The following ADGRV1 variants were observed in gnomAD, a reference collection of about 807,000 sequenced individuals.
ADGRV1 encodes the protein adhesion G protein-coupled receptor V1, also known as G-protein coupled receptor 98.
In ADGRV1, 359 loss-of-function variants were observed where a neutral mutation model predicts 596.2. The observed-to-expected ratio is 0.60, with a 90% confidence interval of 0.55 to 0.66. ADGRV1 has a LOEUF of 0.66. Ranked by LOEUF, ADGRV1 falls within the 30% of genes least tolerant of loss-of-function variation. The pLI, the probability that ADGRV1 is intolerant of heterozygous loss-of-function variation, is 0.00. For missense variants in ADGRV1, 7,274 were observed against 7,575.6 expected (o/e 0.96, Z 1.48); for synonymous variants, 2,681 against 2,679.2 (o/e 1.00, Z -0.02).
In ADGRV1 at chr5:90,716,736, TA is replaced by T. The variant is rs759272193; in HGVS notation, c.9447+9del. On this transcript the variant is annotated splice_region_variant and intron_variant, in intron 43 of 89. Transcript: ENST00000405460. Reference sequence around the variant, plus strand: ...AGAAGGTGTTCGATTCAAGGTACAGTAAGAAGCTTTAATGAGAATGGAAGTT... The same window carrying T: ...AGAAGGTGTTCGATTCAAGGTACAGTAGAAGCTTTAATGAGAATGGAAGTT... The T allele has an allele frequency of 1.2e-6, 2 of 1,600,218 alleles. No individual in the cohort carries two copies. Among genetic ancestry groups the T allele is most frequent in the Non-Finnish European group, 1.7e-6 (2 of 1,169,702 alleles).
chr5:90,793,643 T>C (rs1713567151), intron 70 of ADGRV1, among the ~76,000 whole-genome samples: 1 of 152,238 alleles, frequency 6.6e-6, no homozygotes, highest in Non-Finnish European at 1.5e-5. Context: ...AGTGCACTTT[T>C]CATTTCATTT....
At chr5:90,877,010 C>T (rs1769278120) in intron 83 of ADGRV1, among the ~76,000 whole-genome samples, 1 of 152,008 alleles carries the variant, frequency 6.6e-6, no homozygotes, top group South Asian at 2.1e-4. Flanking sequence ...ATGGTGTAAG[C>T]ATATAATAGC....
chr5:90,735,587 G>A (rs1298175402), intron 50 of ADGRV1, among the ~76,000 whole-genome samples: 2 of 152,130 alleles, frequency 1.3e-5, no homozygotes, highest in East Asian at 3.8e-4. Flanking sequence ...CATTGAATCT[G>A]TAGATCACTT....
intron 85 of ADGRV1, among the ~76,000 whole-genome samples, chr5:90,995,707 G>A (rs1016979985): frequency 4.3e-4 from 65 of 152,162 alleles, no homozygotes; most frequent in African/African-American, 1.5e-3. Context: ...TAACTTTCTA[G>A]AGACTTGTTA....
intron 87 of ADGRV1, among the ~76,000 whole-genome samples, chr5:91,139,739 A>G (rs1363132694): frequency 6.6e-6 from 1 of 152,176 alleles, no homozygotes; most frequent in Non-Finnish European, 1.5e-5. Context: ...ACACTAGTAC[A>G]TGTTACATAG....
chr5:91,059,619 C>T (rs2151343825), intron 85 of ADGRV1, among the ~76,000 whole-genome samples: 1 of 152,220 alleles, frequency 6.6e-6, no homozygotes, highest in East Asian at 1.9e-4. Flanking sequence ...TAATTCTTAC[C>T]ACTTCAAAGC....
intron 55 of ADGRV1, among the ~76,000 whole-genome samples, chr5:90,756,100 A>C (rs1402106314): frequency 1.3e-5 from 2 of 152,050 alleles, no homozygotes; most frequent in African/African-American, 4.8e-5. Flanking sequence ...TTGCTTTAAA[A>C]ATGTATGTAG....
chr5:91,024,055 C>A (rs1363865979), intron 85 of ADGRV1, among the ~76,000 whole-genome samples: 1 of 152,100 alleles, frequency 6.6e-6, no homozygotes, highest in Non-Finnish European at 1.5e-5. Flanking sequence ...GCACCTAGGG[C>A]CTCGGGGCCA....
At chr5:90,861,604 C>CT (rs1554139169) in intron 82 of ADGRV1, among the ~76,000 whole-genome samples, 1 of 152,024 alleles carries the variant, frequency 6.6e-6, no homozygotes, top group Non-Finnish European at 1.5e-5. Context: ...CCACCATGCC[C>CT]GGCTATACTT....
intron 1 of ADGRV1, among the ~76,000 whole-genome samples, chr5:90,594,798 G>C (rs1180447013): frequency 3.3e-5 from 5 of 150,652 alleles, no homozygotes; most frequent in African/African-American, 1.2e-4. Flanking sequence ...CACAGGGTTG[G>C]GGGTAAGGTC....
intron 85 of ADGRV1, among the ~76,000 whole-genome samples, chr5:91,054,088 TGTGTGTGTGTGTGTGAGA>T (rs1434638090): frequency 2.4e-5 from 3 of 127,272 alleles, no homozygotes; most frequent in Non-Finnish European, 5.0e-5. Context: ...TGTGTGTGTG[TGTGTGTGTGTGTGTGAGA>T]GAGAGAGAGA....
At chr5:90,575,591 C>T (rs61749586) in intron 1 of ADGRV1, among the ~76,000 whole-genome samples, 2,212 of 152,252 alleles carry the variant, frequency 0.015, 52 homozygotes, top group African/African-American at 0.051. Context: ...AGGGGTTTCT[C>T]CTCCCATGAA....
intron 75 of ADGRV1, among the ~76,000 whole-genome samples, chr5:90,817,093 T>C (rs1189573314): frequency 6.6e-6 from 1 of 152,248 alleles, no homozygotes; most frequent in African/African-American, 2.4e-5. Flanking sequence ...GACTTATTAA[T>C]GATTGCCGTT....
At chr5:91,025,857 G>A (rs1259224508) in intron 85 of ADGRV1, among the ~76,000 whole-genome samples, 1 of 152,114 alleles carries the variant, frequency 6.6e-6, no homozygotes. Flanking sequence ...AATAAGCTTG[G>A]CAGGTGAGCT....
At chr5:91,094,836 G>A (rs946896342) in intron 86 of ADGRV1, among the ~76,000 whole-genome samples, 3 of 152,158 alleles carry the variant, frequency 2.0e-5, no homozygotes, top group Non-Finnish European at 4.4e-5. Flanking sequence ...CTTAAGAGAA[G>A]TGAAGATGCA....
intron 85 of ADGRV1, among the ~76,000 whole-genome samples, chr5:91,069,264 C>T (rs1788165360): frequency 6.6e-6 from 1 of 151,958 alleles, no homozygotes; most frequent in Non-Finnish European, 1.5e-5. Context: ...TAACTATGAC[C>T]CCAAAAGCAA....
intron 84 of ADGRV1, 83 bp from the exon 85 acceptor site, chr5:90,985,261 G>A (rs778076440): frequency 3.1e-5 from 28 of 898,696 alleles, no homozygotes; most frequent in East Asian, 1.1e-4. Flanking sequence ...TTTGTTGGTC[G>A]GTAACATTGC....
At chr5:90,676,343 A>G (rs1744218881) in intron 25 of ADGRV1, 134 bp downstream of exon 25, 3 of 758,846 alleles carry the variant, frequency 4.0e-6, no homozygotes, top group Non-Finnish European at 4.0e-6. Context: ...GTTTTTGAAG[A>G]GAGCAGCCTG....
At chr5:90,672,488 A>C in intron 21 of ADGRV1, 58 bp from the exon 22 acceptor site, 1 of 1,356,590 alleles carries the variant, frequency 7.4e-7, no homozygotes, top group Non-Finnish European at 1.0e-6. Context: ...GAAGCATTGT[A>C]ATTTTGTCAC....
Sources: allele counts gnomAD v4.1 joint callset (sites outside exome capture counted in the v4.1 genomes callset), GRCh38; gene constraint gnomAD v4.1.1; transcripts MANE v1.5; gene names NCBI Gene and HGNC (gene_info 2026-07-23, HGNC 2026-07-21).